Variants in TRIM24 observed in about 807,000 individuals in gnomAD.
TRIM24 encodes tripartite motif containing 24.
Under a neutral mutation model 123.9 loss-of-function variants are expected in TRIM24, and 29 were observed. The observed-to-expected ratio is 0.23, with a 90% CI of 0.17 to 0.32. The LOEUF is 0.32. Among genes scored for constraint, TRIM24 ranks in the 10% least tolerant of loss-of-function variants. TRIM24 has a pLI of 1.00. For synonymous variants in TRIM24, 456 were observed against 461.1 expected (o/e 0.99, Z 0.14); for missense variants, 932 against 1,295.3 (o/e 0.72, Z 4.31).
At position 138,584,725 on chromosome 7, in the gene TRIM24, T is replaced by C; in HGVS notation, c.2944-17T>C. On this transcript the variant is annotated splice_polypyrimidine_tract_variant and intron_variant, in intron 18 of 18. Coordinates refer to ENST00000343526, the MANE Select transcript of TRIM24 (RefSeq NM_015905.3). ...AAGTGTGTCCTTTTTTTACTCATTT[T>C]TATTTTTACTCCACAGCCTGATTCA... 1 of 1,571,778 alleles carries C rather than the reference T, an allele frequency of 6.4e-7. No individual in the cohort carries two copies. Among genetic ancestry groups the C allele is most frequent in the Non-Finnish European group, 8.6e-7 (1 of 1,164,330 alleles).
At chr7:138,579,067 CAAT>C (rs1169299638) in intron 14 of TRIM24, 134 bp from the exon 15 acceptor site, 1 of 615,824 alleles carries the variant, frequency 1.6e-6, no homozygotes, top group East Asian at 2.9e-5. Flanking sequence ...AGCCAGTTAG[CAAT>C]AAACATATAC....
At chr7:138,553,831 G>T (rs939094364) in intron 8 of TRIM24, among the ~76,000 whole-genome samples, 1 of 152,190 alleles carries the variant, frequency 6.6e-6, no homozygotes, top group Non-Finnish European at 1.5e-5. Flanking sequence ...TGTTGTGCCA[G>T]ACCTCTGTTG....
At chr7:138,551,960 AT>A (rs1372140446) in intron 8 of TRIM24, among the ~76,000 whole-genome samples, 2 of 152,204 alleles carry the variant, frequency 1.3e-5, no homozygotes, top group East Asian at 1.9e-4. Flanking sequence ...AAGTACCCAG[AT>A]CTTAAGCAAT....
At chr7:138,584,468 C>G (rs1035233101) in intron 18 of TRIM24, among the ~76,000 whole-genome samples, 3 of 152,148 alleles carry the variant, frequency 2.0e-5, no homozygotes, top group Non-Finnish European at 4.4e-5. Flanking sequence ...GTTCATGATC[C>G]TATGGTTATG....
chr7:138,562,154 A>G (rs1797440537), intron 9 of TRIM24, among the ~76,000 whole-genome samples: 1 of 152,098 alleles, frequency 6.6e-6, no homozygotes. Context: ...TGGGGCTGCC[A>G]AAAAAAGGTC....
At chr7:138,485,560 G>T (rs889953002) in intron 1 of TRIM24, among the ~76,000 whole-genome samples, 9 of 152,042 alleles carry the variant, frequency 5.9e-5, no homozygotes, top group Non-Finnish European at 8.8e-5. Context: ...GTGTCCAAGT[G>T]TTCTCATTGT....
chr7:138,572,444 C>T (rs183688428), intron 11 of TRIM24, among the ~76,000 whole-genome samples: 22 of 125,334 alleles, frequency 1.8e-4, no homozygotes, highest in African/African-American at 5.4e-4. Flanking sequence ...TCCCTGCCCC[C>T]GAACCCACAG....
chr7:138,570,945 C>T lies in TRIM24; in HGVS notation c.1820C>T (p.Pro607Leu), dbSNP rs758830262. The T allele has an allele frequency of 1.2e-6, 2 of 1,614,086 alleles. No homozygotes were observed. Among genetic ancestry groups the T allele is most frequent in the South Asian group, 2.2e-5 (2 of 91,062 alleles). ...TATGATGGAAAGGCTTTTGGTTCAC[C>T]TATGATCGATTTGAGCTCACCAGTG... ...AGYDGKAFGS[P>L]MIDLSSPVGG... The change falls in exon 11 of 19, where the codon CCT becomes CTT. Residue 607 changes from proline (P) to leucine (L), a missense_variant. Transcript: ENST00000343526.
At chr7:138,573,463 C>T in intron 11 of TRIM24, 44 bp from the exon 12 acceptor site, 1 of 1,488,630 alleles carries the variant, frequency 6.7e-7, no homozygotes, top group Non-Finnish European at 9.0e-7. Flanking sequence ...TAGCTTTTAA[C>T]TTGCAAAATC....
Position 138,517,123 on chromosome 7 carries a change from C to T in TRIM24, c.631+1764C>T, listed in dbSNP as rs558093962. 3.1e-4 allele frequency among the ~76,000 whole-genome samples: 46 copies of T among 150,470 alleles called. No homozygotes were observed. In the South Asian group the frequency reaches 8.2e-3, roughly 27 times the overall value. On this transcript the variant is annotated intron_variant, in intron 3 of 18. Coordinates refer to ENST00000343526, the MANE Select transcript of TRIM24 (RefSeq NM_015905.3). ...CTGTCTCCAAAAAAAAAAAAACCGT[C>T]TTAGCGTTGCTGGAGTTAATTCCAT...
At chr7:138,580,462 C>G in intron 15 of TRIM24, 100 bp from the exon 16 acceptor site, 1 of 1,421,350 alleles carries the variant, frequency 7.0e-7, no homozygotes, top group Non-Finnish European at 9.5e-7. Context: ...GCCAAATGAA[C>G]AATTCTGTAT....
intron 6 of TRIM24, 111 bp from the exon 7 acceptor site, chr7:138,538,546 T>C (rs1584727388): frequency 8.4e-7 from 1 of 1,196,130 alleles, no homozygotes; most frequent in East Asian, 2.4e-5. Flanking sequence ...TTAGTTTCAG[T>C]AAATTGAGTA....
intron 3 of TRIM24, among the ~76,000 whole-genome samples, chr7:138,517,128 C>T (rs913470617): frequency 2.0e-5 from 3 of 150,342 alleles, no homozygotes; most frequent in African/African-American, 4.9e-5. Flanking sequence ...ACCGTCTTAG[C>T]GTTGCTGGAG....
At chr7:138,494,094 G>A (rs908092470) in intron 1 of TRIM24, among the ~76,000 whole-genome samples, 4 of 152,020 alleles carry the variant, frequency 2.6e-5, no homozygotes, top group Non-Finnish European at 2.9e-5. Flanking sequence ...TGATTATCTC[G>A]CCTCAGCCTC....
chr7:138,474,972 C>T (rs1247284173), intron 1 of TRIM24, among the ~76,000 whole-genome samples: 1 of 152,148 alleles, frequency 6.6e-6, no homozygotes, highest in Non-Finnish European at 1.5e-5. Flanking sequence ...TTGTTATGCA[C>T]CCTAACAATG....
intron 1 of TRIM24, among the ~76,000 whole-genome samples, chr7:138,466,462 G>GTTT (rs1563020272): frequency 3.1e-5 from 1 of 32,670 alleles, no homozygotes; most frequent in African/African-American, 1.3e-4. Flanking sequence ...AACTTAAGTT[G>GTTT]CTTTTTTTTT....
intron 7 of TRIM24, among the ~76,000 whole-genome samples, chr7:138,539,551 T>C (rs1401441967): frequency 2.0e-5 from 3 of 152,106 alleles, no homozygotes; most frequent in Non-Finnish European, 2.9e-5. Context: ...TTTAGCTACA[T>C]TCTTAAAAAT....
chr7:138,501,916 A>G (rs570948947), intron 1 of TRIM24, among the ~76,000 whole-genome samples: 2 of 151,954 alleles, frequency 1.3e-5, no homozygotes, highest in South Asian at 4.2e-4. Flanking sequence ...CAACAACAAC[A>G]AAAAACCGTC....
At chr7:138,466,462 G>GTTTTTTT (rs1563020272) in intron 1 of TRIM24, among the ~76,000 whole-genome samples, 1 of 32,668 alleles carries the variant, frequency 3.1e-5, no homozygotes, top group African/African-American at 1.3e-4. Context: ...AACTTAAGTT[G>GTTTTTTT]CTTTTTTTTT....
Sources: gnomAD v4.1 joint callset for allele counts (sites outside exome capture counted in the v4.1 genomes callset) on GRCh38, gnomAD v4.1.1 for gene constraint, MANE v1.5 for transcripts, NCBI Gene and HGNC (gene_info 2026-07-23, HGNC 2026-07-21) for gene names.